The following PIGK variants were observed in gnomAD, a reference collection of about 807,000 sequenced individuals.
PIGK encodes phosphatidylinositol glycan anchor biosynthesis class K, also known as GPI-anchor transamidase.
A neutral mutation model predicts 50.6 loss-of-function variants in PIGK; 42 were observed. That is an observed-to-expected ratio of 0.83 (90% CI 0.65 to 1.07). PIGK has a LOEUF of 1.07. Ranked by LOEUF, PIGK falls within the 50% of genes least tolerant of loss-of-function variation. The probability of loss-of-function intolerance (pLI) is 0.00; values close to 1 mark genes in which losing one functional copy is unlikely to be tolerated. For synonymous variants in PIGK, 151 were observed against 156.0 expected (o/e 0.97, Z 0.24); for missense variants, 448 against 488.7 (o/e 0.92, Z 0.78).
At chr1:77,139,310 C>A (rs1024910910) in intron 9 of PIGK, among the ~76,000 whole-genome samples, 2 of 151,466 alleles carry the variant, frequency 1.3e-5, no homozygotes, top group African/African-American at 4.9e-5. Context: ...TAGGCTCCTG[C>A]GAATACTTTC....
intron 9 of PIGK, among the ~76,000 whole-genome samples, chr1:77,124,898 T>C (rs1278925700): frequency 6.6e-6 from 1 of 152,226 alleles, no homozygotes; most frequent in Non-Finnish European, 1.5e-5. Flanking sequence ...GTTTGTTTCT[T>C]TTCTACTGTG....
At chr1:77,122,472 A>G in intron 9 of PIGK, 113 bp from the exon 10 acceptor site, 1 of 642,772 alleles carries the variant, frequency 1.6e-6, no homozygotes, top group East Asian at 2.8e-5. Flanking sequence ...TTTTTTTTGA[A>G]ATAATCAGTA....
chr1:77,148,449 T>C (rs1654818542), intron 9 of PIGK, among the ~76,000 whole-genome samples: 1 of 152,208 alleles, frequency 6.6e-6, no homozygotes, highest in Non-Finnish European at 1.5e-5. Context: ...AGTAATTTTC[T>C]CCTTGATTAA....
intron 10 of PIGK, among the ~76,000 whole-genome samples, chr1:77,112,422 G>C (rs1389799121): frequency 6.6e-6 from 1 of 152,068 alleles, no homozygotes; most frequent in Non-Finnish European, 1.5e-5. Flanking sequence ...GTATTTATAT[G>C]AGAAGAGATC....
intron 10 of PIGK, among the ~76,000 whole-genome samples, chr1:77,108,873 T>C (rs1375500747): frequency 6.6e-6 from 1 of 152,214 alleles, no homozygotes; most frequent in African/African-American, 2.4e-5. Flanking sequence ...TTTCTTCAAG[T>C]TGATTGAATT....
chr1:77,100,306 C>T (rs911333997), intron 10 of PIGK, among the ~76,000 whole-genome samples: 1 of 152,124 alleles, frequency 6.6e-6, no homozygotes, highest in African/African-American at 2.4e-5. Flanking sequence ...ATAATTATTT[C>T]AGAAAATAGC....
intron 9 of PIGK, among the ~76,000 whole-genome samples, chr1:77,150,496 A>C (rs529607721): frequency 2.0e-5 from 3 of 151,692 alleles, no homozygotes; most frequent in Non-Finnish European, 2.9e-5. Flanking sequence ...TCTCAAAAAA[A>C]AAAAAAAGAA....
At chr1:77,140,673 C>T (rs1654630244) in intron 9 of PIGK, among the ~76,000 whole-genome samples, 1 of 152,068 alleles carries the variant, frequency 6.6e-6, no homozygotes. Context: ...CTATATCTAA[C>T]TTTCAAAGAA....
chr1:77,092,094 G>A lies in PIGK; in HGVS notation c.*280C>T, dbSNP rs552976448. Reference sequence around the variant, plus strand: ...CTTTTCCAAATGAAAAGGGGATAAGGGGAAATTACTATTTTCAAAAACAGT... The same window carrying A: ...CTTTTCCAAATGAAAAGGGGATAAGAGGAAATTACTATTTTCAAAAACAGT... On this transcript the variant is annotated 3_prime_UTR_variant, in exon 11 of 11. Coordinates refer to ENST00000370812, the MANE Select transcript of PIGK (RefSeq NM_005482.3). 1.1e-5 allele frequency: 2 copies of A among 178,728 alleles called. No homozygotes were observed. Among genetic ancestry groups the A allele is most frequent in the South Asian group, 3.5e-4 (2 of 5,746 alleles). 11.1% of individuals were successfully genotyped at this position (178,728 alleles called of 1,614,324 possible).
intron 8 of PIGK, among the ~76,000 whole-genome samples, chr1:77,156,714 C>G (rs565580502): frequency 2.0e-5 from 3 of 152,266 alleles, no homozygotes; most frequent in African/African-American, 7.2e-5. Flanking sequence ...CCTGTACTTA[C>G]TTTTCCAAGA....
intron 9 of PIGK, among the ~76,000 whole-genome samples, chr1:77,142,814 C>A (rs942924203): frequency 2.0e-5 from 3 of 152,058 alleles, no homozygotes; most frequent in East Asian, 3.9e-4. Flanking sequence ...GGATTACAAT[C>A]CAGATGAGAT....
At chr1:77,138,580 G>A (rs145073026) in intron 9 of PIGK, among the ~76,000 whole-genome samples, 2 of 152,310 alleles carry the variant, frequency 1.3e-5, no homozygotes, top group African/African-American at 4.8e-5. Context: ...CAGCCAACCT[G>A]TACGCACACT....
chr1:77,094,020 G>A (rs1453875721), intron 10 of PIGK, among the ~76,000 whole-genome samples: 1 of 152,088 alleles, frequency 6.6e-6, no homozygotes, highest in Non-Finnish European at 1.5e-5. Flanking sequence ...ACAAGCACGT[G>A]TCAATGAAAA....
intron 3 of PIGK, among the ~76,000 whole-genome samples, chr1:77,183,956 A>G (rs1655680788): frequency 6.6e-6 from 1 of 152,184 alleles, no homozygotes. Context: ...TTCTGAGGGC[A>G]GCAACTGCAT....
At chr1:77,193,869 A>G (rs1483638837) in intron 3 of PIGK, among the ~76,000 whole-genome samples, 1 of 152,204 alleles carries the variant, frequency 6.6e-6, no homozygotes, top group Non-Finnish European at 1.5e-5. Flanking sequence ...GAGCTTCTGC[A>G]CAGGAAAAGA....
intron 9 of PIGK, among the ~76,000 whole-genome samples, chr1:77,147,767 C>A (rs1227236541): frequency 6.6e-6 from 1 of 152,210 alleles, no homozygotes; most frequent in Non-Finnish European, 1.5e-5. Flanking sequence ...AAGCTTATTA[C>A]AATCAGTCCT....
Position 77,219,388 on chromosome 1 carries a change from G to C in PIGK, c.15C>G (p.Asp5Glu), listed in dbSNP as rs766073727. 11 of 1,613,378 alleles carry C rather than the reference G, an allele frequency of 6.8e-6. No individual in the cohort carries two copies. In the East Asian group the frequency reaches 2.0e-4, roughly 29 times the overall value. The change falls in exon 1 of 11, where the codon GAC becomes GAG. Residue 5 changes from aspartate (D) to glutamate (E), a missense_variant. Coordinates refer to ENST00000370812, the MANE Select transcript of PIGK (RefSeq NM_005482.3). Reference protein sequence around the residue: MAVTDSLSRAATVLA... With the variant: MAVTESLSRAATVLA... ...AGACAGTCGCAGCCCGGCTGAGGCT[G>C]TCGGTGACGGCCATGTTTACCGGCT...
chr1:77,153,024 G>GA (rs1557807528), intron 9 of PIGK, among the ~76,000 whole-genome samples: 1 of 151,896 alleles, frequency 6.6e-6, no homozygotes, highest in South Asian at 2.1e-4. Flanking sequence ...TACATATCCA[G>GA]AAAAAAGGAA....
Position 77,090,088 on chromosome 1 carries a change from T to G in PIGK, c.*2286A>C, listed in dbSNP as rs1653262993. On this transcript the variant is annotated 3_prime_UTR_variant, in exon 11 of 11. Transcript: ENST00000370812. The stretch of plus-strand genomic sequence containing the variant: ...TAAGAACAATAATGCCACCATATAT[T>G]TACAATTTCAGAAGTGTTTAGTCAA... 1 of 152,206 alleles carries G rather than the reference T, an allele frequency of 6.6e-6. No homozygotes were observed. The highest frequency in any genetic ancestry group is 2.1e-4 in the South Asian group (1 of 4,830). 9.4% of individuals were successfully genotyped at this position (152,206 alleles called of 1,614,324 possible). A position where few individuals can be genotyped will look rare whatever the true frequency, so the allele number is the denominator to read the frequency against.
Sources: gnomAD v4.1 joint callset for allele counts (sites outside exome capture counted in the v4.1 genomes callset) on GRCh38, gnomAD v4.1.1 for gene constraint, MANE v1.5 for transcripts, NCBI Gene and HGNC (gene_info 2026-07-23, HGNC 2026-07-21) for gene names.